Variants in MIPEP observed in about 807,000 individuals in gnomAD.
MIPEP encodes mitochondrial intermediate peptidase.
MIPEP carries 79 observed loss-of-function variants against 90.3 expected under a neutral mutation model. The observed-to-expected ratio is 0.87, with a 90% confidence interval of 0.73 to 1.05. The LOEUF (loss-of-function observed/expected upper bound fraction) is 1.05. MIPEP is among the 50% of genes least tolerant of loss of function. MIPEP has a pLI of 0.00. For synonymous variants in MIPEP, 334 were observed against 315.8 expected (o/e 1.06, Z -0.61); for missense variants, 940 against 905.6 (o/e 1.04, Z -0.49).
chr13:23,797,994 C>A (rs1352535469), intron 16 of MIPEP, among the ~76,000 whole-genome samples: 1 of 152,216 alleles, frequency 6.6e-6, no homozygotes, highest in African/African-American at 2.4e-5. Flanking sequence ...CGAATACAGG[C>A]TCCATGAGAG....
Position 23,866,171 on chromosome 13 carries a change from G to A in MIPEP, c.944-1982C>T, listed in dbSNP as rs564000317. ...ATGACAGTTTCATTTCCCTCAGGGCGCCTTCCACAGCCACAGATGCATCTG... is the reference window on the plus strand; with the variant it reads ...ATGACAGTTTCATTTCCCTCAGGGCACCTTCCACAGCCACAGATGCATCTG... On this transcript the variant is annotated intron_variant, in intron 7 of 18. Coordinates refer to ENST00000382172, the MANE Select transcript of MIPEP (RefSeq NM_005932.4). Among the ~76,000 whole-genome samples the A allele has an allele frequency of 3.6e-3, 551 of 152,036 alleles. 10 individuals are homozygous for A. Among genetic ancestry groups the A allele is most frequent in the Non-Finnish European group, 4.1e-4 (28 of 67,976 alleles).
At chr13:23,827,530 C>A (rs1868523985) in intron 14 of MIPEP, among the ~76,000 whole-genome samples, 1 of 151,994 alleles carries the variant, frequency 6.6e-6, no homozygotes, top group African/African-American at 2.4e-5. Context: ...TAAATAAATG[C>A]TTGTAAAGAA....
At position 23,870,138 on chromosome 13, in the gene MIPEP, T is replaced by A; in HGVS notation, c.661A>T (p.Met221Leu). Reference protein sequence around the residue: ...KILDLSSTFLMGTNFPNKIEK... With the variant: ...KILDLSSTFLLGTNFPNKIEK... ...ATCTTGTTGGGAAAATTGGTTCCCA[T>A]AAGAAATGTACTACTCAAATCCAAG... Residue 221 changes from methionine to leucine, a missense_variant, in exon 6 of 19, where the codon ATG becomes TTG. Met to Leu is a conservative substitution (Grantham distance 15, BLOSUM62 2). Coordinates refer to ENST00000382172, the MANE Select transcript of MIPEP (RefSeq NM_005932.4). The A allele has an allele frequency of 1.9e-6, 3 of 1,612,492 alleles. No homozygotes were observed. The highest frequency in any genetic ancestry group is 1.7e-6 in the Non-Finnish European group (2 of 1,179,220).
At chr13:23,736,278 A>G (rs9580744) in intron 18 of MIPEP, among the ~76,000 whole-genome samples, 2,911 of 152,358 alleles carry the variant, frequency 0.019, 104 homozygotes, top group African/African-American at 0.066. Flanking sequence ...TAAGAAAGAC[A>G]AAATTGCATC....
chr13:23,877,932 C>T (rs1215807742), intron 4 of MIPEP, among the ~76,000 whole-genome samples: 1 of 152,046 alleles, frequency 6.6e-6, no homozygotes, highest in African/African-American at 2.4e-5. Flanking sequence ...AGTTTATTTT[C>T]CCCAATATAT....
chr13:23,855,023 T>C (rs1228988109), intron 10 of MIPEP, among the ~76,000 whole-genome samples: 3 of 152,050 alleles, frequency 2.0e-5, no homozygotes, highest in African/African-American at 7.2e-5. Flanking sequence ...ATCCAAACAC[T>C]GGAAGGATAC....
intron 18 of MIPEP, among the ~76,000 whole-genome samples, chr13:23,736,387 T>A (rs1473672675): frequency 6.6e-6 from 1 of 152,102 alleles, no homozygotes; most frequent in Admixed American, 6.6e-5. Flanking sequence ...TAAAGAGTAG[T>A]TAAAGAGTGA....
At chr13:23,781,151 A>T (rs1182534776) in intron 16 of MIPEP, among the ~76,000 whole-genome samples, 2 of 152,128 alleles carry the variant, frequency 1.3e-5, no homozygotes, top group African/African-American at 2.4e-5. Flanking sequence ...ACACATAATT[A>T]TCAGATTCAC....
At chr13:23,845,657 A>G (rs1869505242) in intron 10 of MIPEP, among the ~76,000 whole-genome samples, 1 of 152,180 alleles carries the variant, frequency 6.6e-6, no homozygotes, top group Admixed American at 6.5e-5. Context: ...CAAAGAGTAC[A>G]AGATCTTAAG....
At chr13:23,796,960 A>G (rs552388162) in intron 16 of MIPEP, among the ~76,000 whole-genome samples, 8 of 152,328 alleles carry the variant, frequency 5.3e-5, no homozygotes, top group African/African-American at 1.7e-4. Context: ...ATCCAAAACA[A>G]ATGTTCTATA....
chr13:23,835,769 C>G (rs1216610730), intron 14 of MIPEP, among the ~76,000 whole-genome samples: 2 of 152,164 alleles, frequency 1.3e-5, no homozygotes, highest in African/African-American at 4.8e-5. Context: ...AAATTAAGGA[C>G]TTTTCAGACT....
At chr13:23,827,256 TAC>T (rs1416567637) in intron 14 of MIPEP, among the ~76,000 whole-genome samples, 3 of 152,200 alleles carry the variant, frequency 2.0e-5, no homozygotes, top group African/African-American at 7.2e-5. Context: ...TTAAAAAGGA[TAC>T]AATTATAGCA....
chr13:23,886,832 A>AATAC (rs1566030359), intron 1 of MIPEP, among the ~76,000 whole-genome samples: 1 of 149,552 alleles, frequency 6.7e-6, no homozygotes, highest in Non-Finnish European at 1.5e-5. Flanking sequence ...CATATATGTA[A>AATAC]ATATATATAT....
chr13:23,878,419 T>C (rs1184612657), intron 4 of MIPEP, among the ~76,000 whole-genome samples: 1 of 152,158 alleles, frequency 6.6e-6, no homozygotes, highest in Non-Finnish European at 1.5e-5. Flanking sequence ...GGATGATCAA[T>C]TGGTCCCTAT....
intron 7 of MIPEP, among the ~76,000 whole-genome samples, chr13:23,864,864 A>C (rs1870465663): frequency 6.6e-6 from 1 of 152,120 alleles, no homozygotes; most frequent in African/African-American, 2.4e-5. Flanking sequence ...AGAGTTTTAA[A>C]GAGATATCTA....
chr13:23,855,272 C>T (rs1870001607), intron 10 of MIPEP, among the ~76,000 whole-genome samples: 1 of 152,136 alleles, frequency 6.6e-6, no homozygotes, highest in African/African-American at 2.4e-5. Context: ...TTAAGACTTG[C>T]TGACAGTCAC....
chr13:23,777,466 A>T (rs1952731480), intron 16 of MIPEP, among the ~76,000 whole-genome samples: 1 of 152,248 alleles, frequency 6.6e-6, no homozygotes, highest in Admixed American at 6.5e-5. Flanking sequence ...ATGAACAAAT[A>T]GAGGATGTGA....
intron 16 of MIPEP, among the ~76,000 whole-genome samples, chr13:23,805,537 A>G (rs1953098391): frequency 6.6e-6 from 1 of 152,204 alleles, no homozygotes; most frequent in African/African-American, 2.4e-5. Flanking sequence ...ACAAGATAAG[A>G]TATGTAAAGC....
chr13:23,849,644 C>T (rs1869717327), intron 10 of MIPEP, among the ~76,000 whole-genome samples: 1 of 152,158 alleles, frequency 6.6e-6, no homozygotes, highest in Non-Finnish European at 1.5e-5. Context: ...ATAATTAGGT[C>T]TTTTAAATTA....
Sources: allele counts gnomAD v4.1 joint callset (sites outside exome capture counted in the v4.1 genomes callset), GRCh38; gene constraint gnomAD v4.1.1; transcripts MANE v1.5; gene names NCBI Gene and HGNC (gene_info 2026-07-23, HGNC 2026-07-21).